Variants in RYR2 observed in about 807,000 individuals in gnomAD.
RYR2 encodes cardiac muscle ryanodine receptor-calcium release channel.
In RYR2, 227 loss-of-function variants were observed where a neutral mutation model predicts 601.1. The ratio of observed to expected loss-of-function variants is 0.38; its 90% CI spans 0.34 to 0.42. The LOEUF is 0.42. Among genes scored for constraint, RYR2 ranks in the 10% least tolerant of loss-of-function variants. The pLI, the probability that RYR2 is intolerant of heterozygous loss-of-function variation, is 1.00. For missense variants in RYR2, 4,646 were observed against 6,156.5 expected, an observed-to-expected ratio of 0.75 and a Z score of 8.21; for synonymous variants, 2,223 against 2,175.1, an observed-to-expected ratio of 1.02 and a Z score of -0.61.
intron 23 of RYR2, among the ~76,000 whole-genome samples, chr1:237,508,324 TAGTC>T (rs1558939636): frequency 6.6e-6 from 1 of 152,056 alleles, no homozygotes; most frequent in Non-Finnish European, 1.5e-5. Flanking sequence ...GACCATCTAT[TAGTC>T]AGTAGGAAGA....
At chr1:237,084,445 A>G (rs541189600) in intron 1 of RYR2, among the ~76,000 whole-genome samples, 1 of 152,328 alleles carries the variant, frequency 6.6e-6, no homozygotes, top group Non-Finnish European at 1.5e-5. Context: ...CCGAACATGT[A>G]TAATGACGTA....
At chr1:237,371,397 T>C (rs112145166) in intron 6 of RYR2, among the ~76,000 whole-genome samples, 4 of 152,156 alleles carry the variant, frequency 2.6e-5, no homozygotes, top group African/African-American at 9.6e-5. Context: ...GCTGAAACGA[T>C]CCTCTCGCCT....
intron 51 of RYR2, among the ~76,000 whole-genome samples, chr1:237,653,662 GT>G (rs756074986): frequency 3.3e-5 from 5 of 152,176 alleles, no homozygotes; most frequent in Non-Finnish European, 7.3e-5. Flanking sequence ...CGATCACCGG[GT>G]GAAGTCCCAC....
intron 1 of RYR2, among the ~76,000 whole-genome samples, chr1:237,198,334 G>A (rs188002254): frequency 6.6e-5 from 10 of 152,162 alleles, no homozygotes; most frequent in Admixed American, 5.2e-4. Context: ...TGAACTATGC[G>A]TCATTTTCAT....
chr1:237,042,333 C>G lies in RYR2; in HGVS notation c.-189C>G. 1 of 361,178 alleles carries G rather than the reference C, an allele frequency of 2.8e-6. No individual in the cohort carries two copies. 22.4% of individuals were successfully genotyped at this position (361,178 alleles called of 1,614,324 possible). On this transcript the variant is annotated 5_prime_UTR_variant, in exon 1 of 105. Coordinates refer to ENST00000366574, the MANE Select transcript of RYR2 (RefSeq NM_001035.3). ...AGGGAGGCCCCGCGCCTCGACCACC[C>G]GCGCCCGAGCGTCCGCGCCTCCTCC...
rs536689340 is a variant in RYR2, at chr1:237,679,459, A to G, written c.8896-997A>G. 6.9e-4 allele frequency among the ~76,000 whole-genome samples: 105 copies of G among 152,280 alleles called. 2 individuals carry two copies. The South Asian group carries it at 0.021, about 30-fold the overall frequency. On this transcript the variant is annotated intron_variant, in intron 61 of 104. Coordinates refer to ENST00000366574, the MANE Select transcript of RYR2 (RefSeq NM_001035.3). ...TGCTCTACCACATGGTAGGAAAAAGAAGTATGTTTAGATAGACATGAGTTT... is the reference window on the plus strand; with the variant it reads ...TGCTCTACCACATGGTAGGAAAAAGGAGTATGTTTAGATAGACATGAGTTT...
At chr1:237,813,585 T>G (rs2149461811) in intron 100 of RYR2, among the ~76,000 whole-genome samples, 1 of 152,324 alleles carries the variant, frequency 6.6e-6, no homozygotes, top group Admixed American at 6.5e-5. Context: ...ACTCTCAGTA[T>G]GCATTTCCAT....
At chr1:237,378,515 A>G (rs190570301) in intron 8 of RYR2, among the ~76,000 whole-genome samples, 19 of 152,346 alleles carry the variant, frequency 1.2e-4, no homozygotes, top group African/African-American at 3.8e-4. Context: ...TAAACTTTAT[A>G]TGAATATTCA....
At chr1:237,656,050 A>C in intron 53 of RYR2, 66 bp downstream of exon 53, 1 of 1,496,912 alleles carries the variant, frequency 6.7e-7, no homozygotes, top group Non-Finnish European at 9.1e-7. Context: ...AAATTGAATA[A>C]GGTACTAAAG....
intron 1 of RYR2, among the ~76,000 whole-genome samples, chr1:237,213,620 A>G (rs1437415514): frequency 1.3e-5 from 2 of 152,152 alleles, no homozygotes; most frequent in African/African-American, 4.8e-5. Context: ...ACAGCTGTTT[A>G]TAAGATAAGA....
intron 25 of RYR2, among the ~76,000 whole-genome samples, chr1:237,545,453 C>T (rs926160910): frequency 6.6e-6 from 1 of 152,162 alleles, no homozygotes; most frequent in Non-Finnish European, 1.5e-5. Flanking sequence ...TGGCTCCGAT[C>T]AGTGATTCAC....
At chr1:237,817,812 A>G (rs1203999793) in intron 100 of RYR2, among the ~76,000 whole-genome samples, 1 of 152,190 alleles carries the variant, frequency 6.6e-6, no homozygotes, top group African/African-American at 2.4e-5. Flanking sequence ...TTTCTGTGTT[A>G]AGGCTTTTGT....
intron 38 of RYR2, among the ~76,000 whole-genome samples, chr1:237,620,027 A>C (rs1316119883): frequency 6.6e-6 from 1 of 152,182 alleles, no homozygotes; most frequent in Non-Finnish European, 1.5e-5. Context: ...AGAAATTAAC[A>C]CTGGGTAATG....
intron 48 of RYR2, among the ~76,000 whole-genome samples, chr1:237,646,198 A>G (rs1314711328): frequency 6.7e-6 from 1 of 149,700 alleles, no homozygotes; most frequent in African/African-American, 2.5e-5. Context: ...TTTTTCAGCC[A>G]GGTGTGGTGG....
chr1:237,600,636 A>G (rs1676395042), intron 34 of RYR2, among the ~76,000 whole-genome samples: 1 of 128,956 alleles, frequency 7.8e-6, no homozygotes, highest in African/African-American at 2.5e-5. Flanking sequence ...TGCACAGCCA[A>G]GGAAACAATT....
chr1:237,112,830 T>C (rs1459013929), intron 1 of RYR2, among the ~76,000 whole-genome samples: 6 of 152,228 alleles, frequency 3.9e-5, no homozygotes, highest in Admixed American at 3.9e-4. Flanking sequence ...ATTTGGTTTA[T>C]GCTCCATCAT....
At position 237,106,995 on chromosome 1, in the gene RYR2, G is replaced by C. The variant is rs1668755563; in HGVS notation, c.48+64426G>C. Among the ~76,000 whole-genome samples the C allele has an allele frequency of 6.6e-6, 1 of 152,128 alleles. No homozygotes were observed. The highest frequency in any genetic ancestry group is 2.4e-5 in the African/African-American group (1 of 41,428). On this transcript the variant is annotated intron_variant, in intron 1 of 104. Coordinates refer to ENST00000366574, the MANE Select transcript of RYR2 (RefSeq NM_001035.3). The surrounding 1 kb of genome is among the most constrained non-coding windows in gnomAD (Gnocchi z 4.4). ...ACATATGATTTTGGGGGGACTGAGG[G>C]ACATAAACATTTAGTCTGTAACACA...
chr1:237,263,019 G>T (rs1688695632), intron 1 of RYR2, among the ~76,000 whole-genome samples: 1 of 152,030 alleles, frequency 6.6e-6, no homozygotes. Context: ...TTAAAATAGG[G>T]GAAAAAGAAG....
chr1:237,341,607 A>C (rs911149095), intron 3 of RYR2: 10 of 513,638 alleles, frequency 1.9e-5, no homozygotes, highest in African/African-American at 1.7e-4. Context: ...CGCTTGCTAT[A>C]CCACTAACAT....
Sources: allele counts gnomAD v4.1 joint callset (sites outside exome capture counted in the v4.1 genomes callset), GRCh38; gene constraint gnomAD v4.1.1; non-coding constraint Gnocchi (gnomAD v3.1); transcripts MANE v1.5; gene names NCBI Gene and HGNC (gene_info 2026-07-23, HGNC 2026-07-21).